YTHDF3: variants seen among roughly 807,000 people sequenced by gnomAD.
YTHDF3 encodes the protein YTH domain-containing family protein 3.
In YTHDF3, 9 loss-of-function variants were observed where a neutral mutation model predicts 52.5. The observed-to-expected ratio is 0.17, with a 90% CI of 0.10 to 0.30. YTHDF3 has a LOEUF of 0.30. Ranked by LOEUF, YTHDF3 falls within the 10% of genes least tolerant of loss-of-function variation. The pLI is 1.00. For missense variants in YTHDF3, 534 were observed against 715.0 expected, an observed-to-expected ratio of 0.75 and a Z score of 2.89; for synonymous variants, 274 against 243.3, an observed-to-expected ratio of 1.13 and a Z score of -1.18.
At position 63,210,069 on chromosome 8, in the gene YTHDF3, A is replaced by G. The variant is rs754956882; in HGVS notation, c.*363A>G. On this transcript the variant is annotated 3_prime_UTR_variant, in exon 5 of 5. Coordinates refer to ENST00000539294, the MANE Select transcript of YTHDF3 (RefSeq NM_152758.6). ...ACAGTTAACCATTAGAAGTGGTTCA[A>G]TGATGTAAGAGTCACACTGCTTCAA... The G allele has an allele frequency of 1.9e-4, 34 of 179,270 alleles. No individual in the cohort carries two copies. The highest frequency in any genetic ancestry group is 3.3e-4 in the African/African-American group (14 of 42,498). 11.1% of individuals were successfully genotyped at this position (179,270 alleles called of 1,614,324 possible). A position where few individuals can be genotyped will look rare whatever the true frequency, so the allele number is the denominator to read the frequency against.
chr8:63,179,118 G>T (rs996367247), intron 3 of YTHDF3, among the ~76,000 whole-genome samples: 6 of 152,060 alleles, frequency 3.9e-5, no homozygotes, highest in Admixed American at 6.5e-5. Flanking sequence ...CAAGTTGTTG[G>T]CCTTTCTACT....
intron 4 of YTHDF3, among the ~76,000 whole-genome samples, chr8:63,202,462 C>CT (rs5891892): frequency 4.0e-4 from 51 of 127,994 alleles, no homozygotes; most frequent in Non-Finnish European, 5.1e-4. Flanking sequence ...TTGTTCTACT[C>CT]TTTTTTTTTT....
chr8:63,183,071 C>G (rs1264425440), intron 3 of YTHDF3, among the ~76,000 whole-genome samples: 3 of 151,778 alleles, frequency 2.0e-5, no homozygotes, highest in Admixed American at 2.0e-4. Context: ...ATTCTCCTGC[C>G]TCACTCAGCC....
chr8:63,179,484 A>G (rs1731119045), intron 3 of YTHDF3, among the ~76,000 whole-genome samples: 1 of 152,192 alleles, frequency 6.6e-6, no homozygotes, highest in South Asian at 2.1e-4. Context: ...CTCTTAATCC[A>G]TTCAACCCTG....
At chr8:63,198,328 A>C (rs1314999765) in intron 4 of YTHDF3, among the ~76,000 whole-genome samples, 1 of 151,066 alleles carries the variant, frequency 6.6e-6, no homozygotes, top group Non-Finnish European at 1.5e-5. Context: ...GTGCAGTGGC[A>C]CAATCTGGGC....
At chr8:63,172,741 A>G in intron 2 of YTHDF3, 3 of 1,230,828 alleles carry the variant, frequency 2.4e-6, no homozygotes, top group Non-Finnish European at 3.0e-6. Context: ...CCTAAGGCCC[A>G]TGTTCTATCT....
intron 3 of YTHDF3, among the ~76,000 whole-genome samples, chr8:63,183,103 G>GGT (rs1016258805): frequency 1.3e-5 from 2 of 152,032 alleles, no homozygotes; most frequent in Non-Finnish European, 2.9e-5. Flanking sequence ...TGGGATTACA[G>GGT]GTGTATGCTC....
intron 4 of YTHDF3, among the ~76,000 whole-genome samples, chr8:63,201,982 A>G (rs993900884): frequency 6.6e-6 from 1 of 152,160 alleles, no homozygotes; most frequent in African/African-American, 2.4e-5. Context: ...GCCACCATAT[A>G]TTTAGATCCT....
Position 63,211,655 on chromosome 8 carries a change from A to T in YTHDF3, c.*1949A>T, listed in dbSNP as rs779426033. On this transcript the variant is annotated 3_prime_UTR_variant, in exon 5 of 5. Transcript: ENST00000539294. ...TGGATATTTTTATAAAACTAGTTAC[A>T]TTATAAACGGTTTCAAACATGTTTA... 6.6e-6 allele frequency: 1 copy of T among 152,564 alleles called. No individual in the cohort carries two copies. Among genetic ancestry groups the T allele is most frequent in the Non-Finnish European group, 1.5e-5 (1 of 67,986 alleles). 9.5% of individuals were successfully genotyped at this position (152,564 alleles called of 1,614,324 possible). A position where few individuals can be genotyped will look rare whatever the true frequency, so the allele number is the denominator to read the frequency against.
intron 4 of YTHDF3, among the ~76,000 whole-genome samples, chr8:63,206,096 G>A (rs576402297): frequency 5.3e-5 from 8 of 151,986 alleles, no homozygotes; most frequent in South Asian, 4.2e-4. Context: ...TTTTTGAGAC[G>A]GAGTTTCGCT....
rs1808551493 is a variant in YTHDF3, at chr8:63,186,936, C to G, written c.925C>G (p.Gln309Glu). 6.2e-7 allele frequency: 1 copy of G among 1,613,958 alleles called. No homozygotes were observed. Among genetic ancestry groups the G allele is most frequent in the Non-Finnish European group, 8.5e-7 (1 of 1,179,862 alleles). Residue 309 changes from glutamine to glutamate, a missense_variant, in exon 4 of 5, where the codon CAA (glutamine) becomes GAA (glutamate). By Grantham distance (29) the Gln-to-Glu change is conservative (BLOSUM62 2). Coordinates refer to ENST00000539294, the MANE Select transcript of YTHDF3 (RefSeq NM_152758.6). ...TIIQQPQPLIQPPPLVQSQLP... is the reference protein window; with the variant it reads ...TIIQQPQPLIEPPPLVQSQLP... ...AATCCAGCAGCCTCAGCCATTAATTCAACCACCACCATTGGTGCAAAGCCA... is the reference window on the plus strand; with the variant it reads ...AATCCAGCAGCCTCAGCCATTAATTGAACCACCACCATTGGTGCAAAGCCA...
intron 3 of YTHDF3, among the ~76,000 whole-genome samples, chr8:63,182,728 C>T (rs924082434): frequency 3.3e-5 from 5 of 152,088 alleles, no homozygotes; most frequent in African/African-American, 9.7e-5. Context: ...AACCAGTTAC[C>T]TTCATATTCA....
intron 2 of YTHDF3, among the ~76,000 whole-genome samples, chr8:63,171,674 A>C (rs1013550105): frequency 1.3e-5 from 2 of 152,132 alleles, no homozygotes; most frequent in African/African-American, 4.8e-5. Context: ...CAGCTCGTAA[A>C]ATTGTTTTAC....
At chr8:63,179,235 T>TA (rs1371061636) in intron 3 of YTHDF3, among the ~76,000 whole-genome samples, 12 of 152,106 alleles carry the variant, frequency 7.9e-5, no homozygotes, top group African/African-American at 2.9e-4. Context: ...TTTTTTTTTT[T>TA]TTATTGATCA....
chr8:63,209,196 T>C (rs1180826834), intron 4 of YTHDF3, among the ~76,000 whole-genome samples: 1 of 152,188 alleles, frequency 6.6e-6, no homozygotes, highest in Admixed American at 6.5e-5. Flanking sequence ...TGAAAAGTTA[T>C]CTATCGTGTG....
chr8:63,180,218 C>T (rs537819691), intron 3 of YTHDF3, among the ~76,000 whole-genome samples: 36 of 148,138 alleles, frequency 2.4e-4, no homozygotes, highest in South Asian at 6.6e-4. Flanking sequence ...ACTTCTCAGA[C>T]GGGGCGGTTG....
At chr8:63,185,806 C>T (rs756095774) in intron 3 of YTHDF3, among the ~76,000 whole-genome samples, 15 of 151,982 alleles carry the variant, frequency 9.9e-5, no homozygotes, top group Non-Finnish European at 1.8e-4. Flanking sequence ...ATTTTGTGTC[C>T]ACAAAGTTTA....
rs1351207995 is a variant in YTHDF3 at position 63,211,402 on chromosome 8, G to GA, written c.*1699dup. 1 of 152,528 alleles carries GA rather than the reference G, an allele frequency of 6.6e-6. No individual in the cohort carries two copies. The highest frequency in any genetic ancestry group is 2.4e-5 in the African/African-American group (1 of 41,444). The allele number at this position is 152,528 out of a possible 1,614,324, so 9.4% of individuals were successfully genotyped here. ...TTTTACCTTTTTAAGAGTAAGCCAT[G>GA]AAATCTTGTAACATGTCTCTTAACT... is the stretch of plus-strand genomic sequence containing the variant. On this transcript the variant is annotated 3_prime_UTR_variant, in exon 5 of 5. Coordinates refer to ENST00000539294, the MANE Select transcript of YTHDF3 (RefSeq NM_152758.6).
In YTHDF3 at chr8:63,168,781, A is replaced by T; in HGVS notation, c.-97A>T. The T allele has an allele frequency of 6.5e-7, 1 of 1,546,384 alleles. No individual in the cohort carries two copies. Among genetic ancestry groups the T allele is most frequent in the South Asian group, 1.2e-5 (1 of 83,868 alleles). The stretch of plus-strand genomic sequence containing the variant: ...AACGGCGGCAGCGGCGGCGGCTGGA[A>T]CAATCACTCGGCCAAGGGCGACAGC... On this transcript the variant is annotated 5_prime_UTR_variant, in exon 1 of 5. Coordinates refer to ENST00000539294, the MANE Select transcript of YTHDF3 (RefSeq NM_152758.6).
Sources: allele counts gnomAD v4.1 joint callset (sites outside exome capture counted in the v4.1 genomes callset), GRCh38; gene constraint gnomAD v4.1.1; transcripts MANE v1.5; gene names NCBI Gene and HGNC (gene_info 2026-07-23, HGNC 2026-07-21).